The following CTNNA2 variants were observed in gnomAD, a reference collection of about 807,000 sequenced individuals.
CTNNA2 encodes catenin alpha-2.
A neutral mutation model predicts 101.0 loss-of-function variants in CTNNA2; 42 were observed. The observed-to-expected ratio is 0.42, with a 90% CI of 0.32 to 0.54. CTNNA2 has a LOEUF of 0.54. Ranked by LOEUF, CTNNA2 falls within the 20% of genes least tolerant of loss-of-function variation. The pLI is 0.14. For missense variants in CTNNA2, 871 were observed against 1,223.1 expected (o/e 0.71, Z 4.29); for synonymous variants, 450 against 456.4 (o/e 0.99, Z 0.18).
At chr2:79,609,105 GA>G (rs2104173853) in intron 1 of CTNNA2, among the ~76,000 whole-genome samples, 1 of 151,972 alleles carries the variant, frequency 6.6e-6, no homozygotes, top group South Asian at 2.1e-4. Context: ...CAAAACATAT[GA>G]GTTACTTAGA....
At position 79,261,117 on chromosome 2, in the gene CTNNA2, C is replaced by A. The variant is rs531420441; in HGVS notation, c.-405-51592C>A. 8.6e-4 allele frequency among the ~76,000 whole-genome samples: 131 copies of A among 152,268 alleles called. 1 individual carries two copies. Among genetic ancestry groups the A allele is most frequent in the African/African-American group, 2.9e-3 (120 of 41,562 alleles). On this transcript the variant is annotated intron_variant, in intron 2 of 21. Coordinates refer to the CTNNA2 transcript ENST00000466387. ...GGAAAAGACTTTAACATAATCTGCT[C>A]TATCTCCCAATATCAGAAGCTACCA...
chr2:79,923,181 G>A (rs1011963708), intron 7 of CTNNA2, among the ~76,000 whole-genome samples: 3 of 152,070 alleles, frequency 2.0e-5, no homozygotes, highest in Non-Finnish European at 4.4e-5. Flanking sequence ...GCAGAAAATC[G>A]TATATTTTTC....
At chr2:80,176,417 A>T in intron 7 of CTNNA2, among the ~76,000 whole-genome samples, 1 of 152,378 alleles carries the variant, frequency 6.6e-6, no homozygotes, top group African/African-American at 2.4e-5. Context: ...TGTTCATAAC[A>T]AAATAGAGAG....
In CTNNA2 at chr2:79,743,825, C is replaced by T. The variant is rs1005423887; in HGVS notation, c.103-562C>T. On this transcript the variant is annotated intron_variant, in intron 2 of 18. Coordinates refer to ENST00000402739, the MANE Select transcript of CTNNA2 (RefSeq NM_001282597.3). ...TTGGGATTACAGGTGTGAGCCACCA[C>T]GCCTGGCAGAAATTTACCATTTTAT... is the stretch of plus-strand genomic sequence containing the variant. Among the ~76,000 whole-genome samples, 6 of 152,214 alleles carry T rather than the reference C, an allele frequency of 3.9e-5. No individual in the cohort carries two copies. The South Asian group carries it at 6.2e-4, about 16-fold the overall frequency.
At chr2:79,281,184 A>G (rs1053989952) in intron 2 of CTNNA2, among the ~76,000 whole-genome samples, 3 of 152,050 alleles carry the variant, frequency 2.0e-5, no homozygotes, top group African/African-American at 7.2e-5. Context: ...TGGGACTATC[A>G]GTCAGATGCC....
chr2:79,530,541 C>T (rs1213827141), intron 1 of CTNNA2, among the ~76,000 whole-genome samples: 1 of 151,832 alleles, frequency 6.6e-6, no homozygotes, highest in East Asian at 1.9e-4. Context: ...GGAAGAGTTT[C>T]CAAGTTTCCA....
intron 4 of CTNNA2, among the ~76,000 whole-genome samples, chr2:79,384,931 C>T (rs1336232778): frequency 6.6e-6 from 1 of 152,152 alleles, no homozygotes; most frequent in Non-Finnish European, 1.5e-5. Context: ...GAAATGACAA[C>T]ATTAGTACTA....
At chr2:80,598,366 C>T (rs1697170237) in intron 15 of CTNNA2, among the ~76,000 whole-genome samples, 1 of 151,958 alleles carries the variant, frequency 6.6e-6, no homozygotes. Context: ...GGGCTTAAAA[C>T]CTAGATGACA....
intron 4 of CTNNA2, among the ~76,000 whole-genome samples, chr2:79,450,889 G>T (rs999203698): frequency 1.3e-5 from 2 of 152,114 alleles, no homozygotes; most frequent in Admixed American, 6.6e-5. Context: ...GGCCTAGGTG[G>T]TTGGAGCCCA....
chr2:80,203,659 G>A, intron 7 of CTNNA2, among the ~76,000 whole-genome samples: 1 of 152,206 alleles, frequency 6.6e-6, no homozygotes. Context: ...TTGGGTGTCT[G>A]CAGCTTTTCC....
At chr2:79,402,078 T>A (rs1678295822) in intron 4 of CTNNA2, among the ~76,000 whole-genome samples, 1 of 151,748 alleles carries the variant, frequency 6.6e-6, no homozygotes, top group African/African-American at 2.4e-5. Flanking sequence ...GAACATCTTA[T>A]AATAATAAAA....
At chr2:79,944,650 G>T (rs186693853) in intron 7 of CTNNA2, among the ~76,000 whole-genome samples, 5 of 152,304 alleles carry the variant, frequency 3.3e-5, no homozygotes, top group African/African-American at 1.2e-4. Flanking sequence ...AAAAGTTTTA[G>T]CATAAGGAGA....
intron 7 of CTNNA2, among the ~76,000 whole-genome samples, chr2:79,926,544 C>A (rs1258634195): frequency 6.6e-6 from 1 of 151,990 alleles, no homozygotes; most frequent in Non-Finnish European, 1.5e-5. Flanking sequence ...TGCTTACCCA[C>A]TGGCTGAATA....
intron 7 of CTNNA2, among the ~76,000 whole-genome samples, chr2:80,332,324 C>A (rs145686570): frequency 6.6e-6 from 1 of 152,120 alleles, no homozygotes; most frequent in African/African-American, 2.4e-5. Flanking sequence ...AAGCTGGCAG[C>A]CTCTGGATCT....
At chr2:79,971,307 A>G (rs886472195) in intron 7 of CTNNA2, among the ~76,000 whole-genome samples, 25 of 152,174 alleles carry the variant, frequency 1.6e-4, no homozygotes, top group African/African-American at 5.3e-4. Context: ...CAAGACACGC[A>G]TATAACATAT....
intron 2 of CTNNA2, among the ~76,000 whole-genome samples, chr2:79,716,128 G>A (rs768409040): frequency 6.6e-6 from 1 of 152,018 alleles, no homozygotes; most frequent in Non-Finnish European, 1.5e-5. Flanking sequence ...AACAAAATTG[G>A]GTGTACAGGG....
intron 7 of CTNNA2, among the ~76,000 whole-genome samples, chr2:80,356,673 G>T (rs2149308245): frequency 6.6e-6 from 1 of 152,200 alleles, no homozygotes; most frequent in African/African-American, 2.4e-5. Context: ...AAATGTGCCT[G>T]GCCATTTTAA....
chr2:79,237,144 A>C (rs571827225), intron 2 of CTNNA2, among the ~76,000 whole-genome samples: 3 of 152,334 alleles, frequency 2.0e-5, no homozygotes, highest in African/African-American at 7.2e-5. Flanking sequence ...TGAAAGTCAA[A>C]ATTAACTCTT....
At chr2:79,772,455 A>C (rs1281725531) in intron 3 of CTNNA2, among the ~76,000 whole-genome samples, 1 of 152,316 alleles carries the variant, frequency 6.6e-6, no homozygotes, top group East Asian at 1.9e-4. Flanking sequence ...ATCTCAGATA[A>C]TAGTTCAGAA....
Sources: allele counts gnomAD v4.1 joint callset (sites outside exome capture counted in the v4.1 genomes callset), GRCh38; gene constraint gnomAD v4.1.1; transcripts MANE v1.5; gene names NCBI Gene and HGNC (gene_info 2026-07-23, HGNC 2026-07-21).